CLIC5: variants seen among roughly 807,000 people sequenced by gnomAD.
CLIC5 encodes CLIC family member 5, also known as chloride intracellular channel protein 5.
Under a neutral mutation model 24.7 loss-of-function variants are expected in CLIC5, and 20 were observed. That is an observed-to-expected ratio of 0.81 (90% CI 0.57 to 1.18). The LOEUF (loss-of-function observed/expected upper bound fraction) is 1.18, where lower values mean the gene tolerates loss of function less well. CLIC5 is among the 50% of genes most tolerant of loss of function. The pLI, the probability that CLIC5 is intolerant of heterozygous loss-of-function variation, is 0.00. For missense variants in CLIC5, 341 were observed against 326.1 expected (o/e 1.05, Z -0.35); for synonymous variants, 159 against 135.6 (o/e 1.17, Z -1.20).
chr6:45,978,089 T>C (rs1765443401), intron 1 of CLIC5, among the ~76,000 whole-genome samples: 1 of 152,228 alleles, frequency 6.6e-6, no homozygotes, highest in Admixed American at 6.5e-5. Context: ...TGGCTTCAGT[T>C]TGCTCCTCAG....
At chr6:46,003,672 G>T (rs544217138) in intron 1 of CLIC5, among the ~76,000 whole-genome samples, 3 of 152,282 alleles carry the variant, frequency 2.0e-5, no homozygotes, top group Non-Finnish European at 2.9e-5. Context: ...CTCCCATGGG[G>T]CCTGGTTAGG....
intron 1 of CLIC5, among the ~76,000 whole-genome samples, chr6:46,034,540 T>G (rs1767608799): frequency 6.6e-6 from 1 of 152,190 alleles, no homozygotes; most frequent in African/African-American, 2.4e-5. Context: ...AGTTCAAGTC[T>G]GCAGTGAGCT....
intron 4 of CLIC5, chr6:45,918,897 G>A (rs750849657): frequency 1.4e-5 from 13 of 924,930 alleles, no homozygotes; most frequent in African/African-American, 3.6e-5. Flanking sequence ...ATTATTCATC[G>A]TCATTCAACA....
At chr6:45,892,000 G>C (rs1208806497) in intron 6 of CLIC5, 2 of 152,078 alleles carry the variant, frequency 1.3e-5, no homozygotes, top group Admixed American at 6.5e-5. Context: ...GCTACTACAG[G>C]GTTTCCCATA....
chr6:45,992,641 C>T (rs973591212), intron 1 of CLIC5, among the ~76,000 whole-genome samples: 1 of 152,166 alleles, frequency 6.6e-6, no homozygotes, highest in Admixed American at 6.5e-5. Context: ...TGTGTATTTA[C>T]ACTCCAGTAT....
intron 6 of CLIC5, among the ~76,000 whole-genome samples, chr6:45,892,785 C>G (rs1451934609): frequency 6.6e-6 from 1 of 152,142 alleles, no homozygotes; most frequent in Non-Finnish European, 1.5e-5. Flanking sequence ...AAAATAGTTG[C>G]CTTTCCATAT....
At chr6:45,960,243 G>A (rs1309085743) in intron 1 of CLIC5, among the ~76,000 whole-genome samples, 2 of 152,162 alleles carry the variant, frequency 1.3e-5, no homozygotes, top group Admixed American at 6.5e-5. Context: ...CCCAAGTCCA[G>A]AAGTGGGAGG....
chr6:45,970,260 A>G (rs1159048450), intron 1 of CLIC5, among the ~76,000 whole-genome samples: 1 of 152,148 alleles, frequency 6.6e-6, no homozygotes, highest in Non-Finnish European at 1.5e-5. Flanking sequence ...CTGGATGATT[A>G]TATCTTCTGC....
At chr6:46,096,098 C>T in the CLIC5 span, among the ~76,000 whole-genome samples, 1 of 152,200 alleles carries the variant, frequency 6.6e-6, no homozygotes, top group African/African-American at 2.4e-5. Flanking sequence ...CCTGAACAGT[C>T]ATCTTACATG....
chr6:46,060,885 T>C (rs1205853892), intron 1 of CLIC5, among the ~76,000 whole-genome samples: 1 of 152,196 alleles, frequency 6.6e-6, no homozygotes, highest in Non-Finnish European at 1.5e-5. Context: ...CCTAAGTCCT[T>C]CATGTTGTGA....
intron 1 of CLIC5, among the ~76,000 whole-genome samples, chr6:46,000,149 T>C (rs184137108): frequency 6.6e-6 from 1 of 152,346 alleles, no homozygotes; most frequent in East Asian, 1.9e-4. Flanking sequence ...GTGTTGACTG[T>C]TATGTTATCA....
At chr6:46,039,781 A>T (rs1311836545) in intron 1 of CLIC5, among the ~76,000 whole-genome samples, 2 of 152,204 alleles carry the variant, frequency 1.3e-5, no homozygotes, top group East Asian at 3.8e-4. Flanking sequence ...TCAAAATGAG[A>T]TCATAGGAAA....
the CLIC5 span, among the ~76,000 whole-genome samples, chr6:46,122,190 C>G: frequency 6.6e-6 from 1 of 152,202 alleles, no homozygotes; most frequent in Non-Finnish European, 1.5e-5. Context: ...GGAAAGCACT[C>G]CTCAGCAAAT....
chr6:45,941,845 G>T (rs1444521006), intron 3 of CLIC5, among the ~76,000 whole-genome samples, 192 bp from the exon 4 acceptor site: 1 of 152,088 alleles, frequency 6.6e-6, no homozygotes, highest in African/African-American at 2.4e-5. Context: ...GAAACCAGAG[G>T]CCAGTGAGGT....
chr6:46,043,274 C>CT (rs1458595726), intron 1 of CLIC5, among the ~76,000 whole-genome samples: 8 of 152,146 alleles, frequency 5.3e-5, no homozygotes, highest in Non-Finnish European at 1.2e-4. Flanking sequence ...TTGCTATAGC[C>CT]TTATAAAGCA....
chr6:45,919,091 C>T (rs1465173817), intron 4 of CLIC5: 6 of 985,310 alleles, frequency 6.1e-6, no homozygotes, highest in African/African-American at 1.7e-5. Flanking sequence ...AAAACAACAA[C>T]AACTTTAATT....
intron 1 of CLIC5, among the ~76,000 whole-genome samples, chr6:45,983,836 A>T (rs1266587820): frequency 1.3e-5 from 2 of 152,172 alleles, no homozygotes; most frequent in Admixed American, 6.5e-5. Flanking sequence ...TTAGTCCTCC[A>T]GTTATTTCCT....
intron 4 of CLIC5, among the ~76,000 whole-genome samples, chr6:45,914,740 TAA>T (rs2127312348): frequency 6.6e-6 from 1 of 151,714 alleles, no homozygotes; most frequent in Non-Finnish European, 1.5e-5. Flanking sequence ...ATCATGACGT[TAA>T]GAGATCGAAA....
chr6:45,933,340 G>A (rs1347531440), intron 4 of CLIC5, among the ~76,000 whole-genome samples: 1 of 152,104 alleles, frequency 6.6e-6, no homozygotes, highest in Non-Finnish European at 1.5e-5. Flanking sequence ...CCCTAACCAG[G>A]TGCTTTTCAT....
Sources: gnomAD v4.1 joint callset for allele counts (sites outside exome capture counted in the v4.1 genomes callset) on GRCh38, gnomAD v4.1.1 for gene constraint, MANE v1.5 for transcripts, NCBI Gene and HGNC (gene_info 2026-07-23, HGNC 2026-07-21) for gene names.